Variants in ESR1 observed in about 807,000 individuals in gnomAD.
ESR1 encodes the protein estrogen receptor 1.
ESR1 carries 12 observed loss-of-function variants against 52.7 expected under a neutral mutation model. The observed-to-expected ratio is 0.23, with a 90% confidence interval of 0.15 to 0.37. The LOEUF (loss-of-function observed/expected upper bound fraction) is 0.37. Among genes scored for constraint, ESR1 ranks in the 10% least tolerant of loss-of-function variants. The pLI is 1.00. For missense variants in ESR1, 584 were observed against 779.7 expected (o/e 0.75, Z 2.99); for synonymous variants, 305 against 316.8 (o/e 0.96, Z 0.39).
intron 4 of ESR1, among the ~76,000 whole-genome samples, chr6:151,982,785 AT>A (rs1431840621): frequency 6.6e-6 from 1 of 152,106 alleles, no homozygotes; most frequent in Non-Finnish European, 1.5e-5. Flanking sequence ...TCAACATGTA[AT>A]CAATAGAATA....
chr6:151,936,471 A>G (rs1437972238), intron 3 of ESR1, among the ~76,000 whole-genome samples: 1 of 152,222 alleles, frequency 6.6e-6, no homozygotes, highest in Non-Finnish European at 1.5e-5. Flanking sequence ...AATAAGGTCC[A>G]TGCCAGCAAA....
At chr6:151,915,887 TATGTC>T (rs1466978555) in intron 3 of ESR1, among the ~76,000 whole-genome samples, 1 of 152,104 alleles carries the variant, frequency 6.6e-6, no homozygotes, top group African/African-American at 2.4e-5. Context: ...AACCAGTAGT[TATGTC>T]AGGTTGCTAA....
At chr6:151,815,320 G>A (rs530933968) in intron 1 of ESR1, among the ~76,000 whole-genome samples, 2 of 152,316 alleles carry the variant, frequency 1.3e-5, no homozygotes, top group South Asian at 2.1e-4. Context: ...GGAAAAAATT[G>A]TAGGGCTTTT....
intron 5 of ESR1, among the ~76,000 whole-genome samples, chr6:152,012,643 C>A (rs1399625081): frequency 6.6e-6 from 1 of 152,194 alleles, no homozygotes; most frequent in Non-Finnish European, 1.5e-5. Flanking sequence ...GCTCTGTTAC[C>A]TCCTGTGCTG....
intron 2 of ESR1, among the ~76,000 whole-genome samples, chr6:151,864,696 C>T (rs1325124264): frequency 6.6e-6 from 1 of 152,094 alleles, no homozygotes; most frequent in Non-Finnish European, 1.5e-5. Flanking sequence ...CCTAAATATC[C>T]AACAACAATA....
chr6:151,776,482 G>A (rs2128115168), intron 2 of ESR1, among the ~76,000 whole-genome samples: 1 of 152,306 alleles, frequency 6.6e-6, no homozygotes, highest in African/African-American at 2.4e-5. Context: ...TAACTACCAG[G>A]GAATTAGCTC....
At position 151,985,528 on chromosome 6, in the gene ESR1, A is replaced by AC. The variant is rs1562632975; in HGVS notation, c.1097-26128_1097-26127insC. 4.6e-3 allele frequency among the ~76,000 whole-genome samples: 652 copies of AC among 141,164 alleles called. 21 individuals carry two copies. The highest frequency in any genetic ancestry group is 0.018 in the African/African-American group (626 of 35,720). 92.6% of individuals were successfully genotyped at this position (141,164 alleles called of 152,430 possible). A position where few individuals can be genotyped will look rare whatever the true frequency, so the allele number is the denominator to read the frequency against. ...GTCTCAAAAAAAAAAAAAAAAAAAA[A>AC]AAAAACACAAACAAAAAAAAAAAAG... On this transcript the variant is annotated intron_variant, in intron 4 of 7. Transcript: ENST00000206249.
intron 3 of ESR1, among the ~76,000 whole-genome samples, chr6:151,919,893 TATGTATATGTAC>T (rs1247615191): frequency 2.6e-5 from 4 of 152,210 alleles, no homozygotes; most frequent in Non-Finnish European, 5.9e-5. Context: ...CACACAGGTA[TATGTATATGTAC>T]ATGTATATGT....
chr6:151,819,387 C>T (rs1305827020), intron 1 of ESR1, among the ~76,000 whole-genome samples: 8 of 152,288 alleles, frequency 5.3e-5, no homozygotes, highest in Middle Eastern at 3.4e-3. Flanking sequence ...GGAACTGGGC[C>T]GCACAGCAGG....
chr6:151,818,324 C>G (rs1780001345), intron 1 of ESR1, among the ~76,000 whole-genome samples: 1 of 152,102 alleles, frequency 6.6e-6, no homozygotes. Flanking sequence ...CCTCTAGTGC[C>G]CACACTACTT....
chr6:152,117,439 A>G (rs1298939963), intron 6 of ESR1, among the ~76,000 whole-genome samples: 1 of 152,176 alleles, frequency 6.6e-6, no homozygotes, highest in Non-Finnish European at 1.5e-5. Context: ...ATCTGTGACG[A>G]GGCTTACCCA....
At chr6:151,775,695 G>C (rs1156601019) in intron 2 of ESR1, among the ~76,000 whole-genome samples, 1 of 150,376 alleles carries the variant, frequency 6.6e-6, no homozygotes, top group East Asian at 2.0e-4. Flanking sequence ...GCAGTGAGCC[G>C]AGATCGCGCC....
At chr6:151,776,453 T>C (rs1291070039) in intron 2 of ESR1, among the ~76,000 whole-genome samples, 1 of 152,214 alleles carries the variant, frequency 6.6e-6, no homozygotes, top group Non-Finnish European at 1.5e-5. Context: ...GTTATGGAGC[T>C]GTGGGTGCTA....
chr6:151,681,945 G>T (rs1011570879), intron 1 of ESR1, among the ~76,000 whole-genome samples: 3 of 152,210 alleles, frequency 2.0e-5, no homozygotes, highest in African/African-American at 7.2e-5. Flanking sequence ...TCCGGTGGCT[G>T]CAGTTTAAAT....
At chr6:151,912,406 A>G (rs183994768) in intron 3 of ESR1, among the ~76,000 whole-genome samples, 5 of 152,168 alleles carry the variant, frequency 3.3e-5, no homozygotes, top group East Asian at 1.9e-4. Context: ...TCAATCCCTA[A>G]CTTCTTTTTG....
intron 1 of ESR1, among the ~76,000 whole-genome samples, chr6:151,832,551 T>G (rs1782614725): frequency 6.6e-6 from 1 of 152,208 alleles, no homozygotes; most frequent in South Asian, 2.1e-4. Context: ...CACATTTAGA[T>G]GGACTGGGAT....
chr6:151,809,930 A>C (rs1213568068), intron 1 of ESR1, among the ~76,000 whole-genome samples: 1 of 152,168 alleles, frequency 6.6e-6, no homozygotes, highest in Non-Finnish European at 1.5e-5. Flanking sequence ...CACAACATTT[A>C]AAACTGCTTG....
chr6:151,850,022 ACAAAAT>A (rs1786111898), intron 2 of ESR1, among the ~76,000 whole-genome samples: 1 of 125,784 alleles, frequency 8.0e-6, no homozygotes, highest in Non-Finnish European at 1.6e-5. Flanking sequence ...GTATATATAT[ACAAAAT>A]TATATATATA....
chr6:151,680,112 G>A (rs1270358527), intron 1 of ESR1, among the ~76,000 whole-genome samples: 1 of 152,056 alleles, frequency 6.6e-6, no homozygotes, highest in East Asian at 1.9e-4. Context: ...AGTTCTGGAG[G>A]GTGGAAATCT....
Sources: gnomAD v4.1 joint callset for allele counts (sites outside exome capture counted in the v4.1 genomes callset) on GRCh38, gnomAD v4.1.1 for gene constraint, MANE v1.5 for transcripts, NCBI Gene and HGNC (gene_info 2026-07-23, HGNC 2026-07-21) for gene names.